ARHGAP18: variants seen among roughly 807,000 people sequenced by gnomAD.
ARHGAP18 encodes rho GTPase-activating protein 18.
A neutral mutation model predicts 86.2 loss-of-function variants in ARHGAP18; 67 were observed. The observed-to-expected ratio is 0.78, with a 90% CI of 0.64 to 0.95. The LOEUF is 0.95. Among genes scored for constraint, ARHGAP18 ranks in the 40% least tolerant of loss-of-function variants. The pLI is 0.00. For synonymous variants in ARHGAP18, 283 were observed against 280.4 expected, an observed-to-expected ratio of 1.01 and a Z score of -0.09; for missense variants, 691 against 780.4, an observed-to-expected ratio of 0.89 and a Z score of 1.37.
intron 7 of ARHGAP18, among the ~76,000 whole-genome samples, chr6:129,613,978 G>C (rs958211168): frequency 2.0e-5 from 3 of 152,114 alleles, no homozygotes; most frequent in Admixed American, 6.5e-5. Flanking sequence ...GGCTGAGTTG[G>C]CTGATTCATT....
intron 13 of ARHGAP18, among the ~76,000 whole-genome samples, chr6:129,582,198 AAAC>A (rs77158221): frequency 0.01 from 1,522 of 152,132 alleles, 13 homozygotes; most frequent in Middle Eastern, 0.02. Context: ...TATTTAATAC[AAAC>A]ACCACAAGCA....
Position 129,710,070 on chromosome 6 carries a change from T to C in ARHGAP18, c.67A>G (p.Thr23Ala), listed in dbSNP as rs3752536. 0.85 allele frequency: 1,376,547 copies of C among 1,613,836 alleles called. 588,077 individuals carry two copies. The highest frequency in any genetic ancestry group is 0.88 in the South Asian group (80,269 of 91,062). The change falls in exon 1 of 15, where the codon ACC becomes GCC. Residue 23 changes from threonine to alanine, a missense_variant. Thr to Ala is a moderately conservative substitution (Grantham distance 58). Coordinates refer to ENST00000368149, the MANE Select transcript of ARHGAP18 (RefSeq NM_033515.3). The part of the protein sequence containing the change: ...TAYHPSGKDQ[T>A]VGNSHAKAGE... ...GCCTTTGCATGGCTGTTCCCGACGG[T>C]CTGGTCCTTGCCGCTGGGGTGGTAG... is the stretch of plus-strand genomic sequence containing the variant.
chr6:129,618,271 A>G (rs1789137929), intron 6 of ARHGAP18, among the ~76,000 whole-genome samples: 1 of 152,228 alleles, frequency 6.6e-6, no homozygotes, highest in Admixed American at 6.5e-5. Context: ...TAACTAGCCC[A>G]TTTATTTGCT....
intron 13 of ARHGAP18, among the ~76,000 whole-genome samples, chr6:129,580,530 G>A (rs889896106): frequency 6.6e-6 from 1 of 152,120 alleles, no homozygotes; most frequent in Non-Finnish European, 1.5e-5. Flanking sequence ...TATTCAATAA[G>A]TATTTATCAT....
chr6:129,608,063 C>T lies in ARHGAP18; in HGVS notation c.1123-11G>A, dbSNP rs372719398. The T allele has an allele frequency of 6.4e-4, 412 of 643,716 alleles. No individual in the cohort carries two copies. Among genetic ancestry groups the T allele is most frequent in the Non-Finnish European group, 7.4e-4 (370 of 501,850 alleles). The allele number at this position is 643,716 out of a possible 1,614,324, so 39.9% of individuals were successfully genotyped here. A position where few individuals can be genotyped will look rare whatever the true frequency, so the allele number is the denominator to read the frequency against. On this transcript the variant is annotated splice_polypyrimidine_tract_variant and intron_variant, in intron 8 of 14. Transcript: ENST00000368149. The stretch of plus-strand genomic sequence containing the variant: ...TTCTTGGCAAAGATTCTGATAGGCA[C>T]GAAAAAAAAAAAAAAAAAAAAAAGA...
At chr6:129,587,346 T>C (rs1788415523) in intron 12 of ARHGAP18, among the ~76,000 whole-genome samples, 1 of 152,196 alleles carries the variant, frequency 6.6e-6, no homozygotes, top group Non-Finnish European at 1.5e-5. Context: ...CTTACTTCTG[T>C]AGAGAGCCAA....
chr6:129,707,731 G>T (rs1168563157), intron 1 of ARHGAP18, among the ~76,000 whole-genome samples: 1 of 149,442 alleles, frequency 6.7e-6, no homozygotes, highest in African/African-American at 2.5e-5. Context: ...TCTAACTCCT[G>T]AGCTCAAGCA....
chr6:129,603,120 A>AT (rs1274948267), intron 10 of ARHGAP18, among the ~76,000 whole-genome samples: 1 of 152,018 alleles, frequency 6.6e-6, no homozygotes, highest in African/African-American at 2.4e-5. Context: ...GCTACCCAAT[A>AT]TGCAGTCTTT....
At chr6:129,703,957 C>A (rs1303465610) in intron 1 of ARHGAP18, among the ~76,000 whole-genome samples, 1 of 149,242 alleles carries the variant, frequency 6.7e-6, no homozygotes, top group Non-Finnish European at 1.5e-5. Context: ...ATTACCATCC[C>A]TTTTTTTCAA....
chr6:129,626,865 C>A (rs1166800315), intron 5 of ARHGAP18, among the ~76,000 whole-genome samples: 1 of 152,090 alleles, frequency 6.6e-6, no homozygotes, highest in Admixed American at 6.6e-5. Context: ...CTGAGAACTA[C>A]AATTCACAGC....
chr6:129,690,068 C>A (rs376704679), intron 1 of ARHGAP18, among the ~76,000 whole-genome samples: 39 of 152,094 alleles, frequency 2.6e-4, no homozygotes, highest in African/African-American at 8.4e-4. Flanking sequence ...GCCAAACAGT[C>A]CGTTTATAAT....
intron 5 of ARHGAP18, among the ~76,000 whole-genome samples, chr6:129,622,375 C>T (rs1789247919): frequency 6.6e-6 from 1 of 151,960 alleles, no homozygotes; most frequent in Non-Finnish European, 1.5e-5. Flanking sequence ...AAATCAGTTG[C>T]TTTGGGTCTA....
At chr6:129,578,859 G>C (rs1788232545) in intron 14 of ARHGAP18, among the ~76,000 whole-genome samples, 1 of 152,112 alleles carries the variant, frequency 6.6e-6, no homozygotes, top group Admixed American at 6.5e-5. Flanking sequence ...AGCTACTCAG[G>C]GGGCTGAGGT....
intron 1 of ARHGAP18, among the ~76,000 whole-genome samples, chr6:129,697,069 T>G (rs1035260848): frequency 1.3e-5 from 2 of 152,200 alleles, no homozygotes; most frequent in African/African-American, 4.8e-5. Context: ...CCTCCTGGAC[T>G]TCTCGAAATC....
At chr6:129,700,431 A>G (rs1774691965) in intron 1 of ARHGAP18, among the ~76,000 whole-genome samples, 1 of 152,244 alleles carries the variant, frequency 6.6e-6, no homozygotes. Context: ...AATACCTTTA[A>G]ACACTTTTTT....
At chr6:129,625,865 TTA>T (rs1789438550) in intron 5 of ARHGAP18, among the ~76,000 whole-genome samples, 1 of 55,990 alleles carries the variant, frequency 1.8e-5, no homozygotes, top group African/African-American at 5.7e-5. Context: ...TATTTATATA[TTA>T]TATATTATAT....
chr6:129,671,368 G>C (rs1290378949), intron 1 of ARHGAP18, among the ~76,000 whole-genome samples: 2 of 152,106 alleles, frequency 1.3e-5, no homozygotes, highest in East Asian at 1.9e-4. Context: ...AAAATTAAAA[G>C]GATAAAGGGA....
Position 129,576,211 on chromosome 6 carries a change from A to G in ARHGAP18, c.*2302T>C, listed in dbSNP as rs556664808. 6.6e-6 allele frequency: 1 copy of G among 152,318 alleles called. No homozygotes were observed. Among genetic ancestry groups the G allele is most frequent in the African/African-American group, 2.4e-5 (1 of 41,572 alleles). The allele number at this position is 152,318 out of a possible 1,614,324, so 9.4% of individuals were successfully genotyped here. Reference sequence around the variant, plus strand: ...AAAACAAATAAAAATCTAGCCTGAGATTTAAAACTCACTAAGGAAAAAAAA... The same window carrying G: ...AAAACAAATAAAAATCTAGCCTGAGGTTTAAAACTCACTAAGGAAAAAAAA... On this transcript the variant is annotated 3_prime_UTR_variant, in exon 15 of 15. Transcript: ENST00000368149.
chr6:129,590,875 T>C (rs960703786), intron 12 of ARHGAP18, among the ~76,000 whole-genome samples: 1 of 152,158 alleles, frequency 6.6e-6, no homozygotes, highest in East Asian at 1.9e-4. Flanking sequence ...ATTCATCCCA[T>C]CCAAATTCTT....
Sources: gnomAD v4.1 joint callset for allele counts (sites outside exome capture counted in the v4.1 genomes callset) on GRCh38, gnomAD v4.1.1 for gene constraint, MANE v1.5 for transcripts, NCBI Gene and HGNC (gene_info 2026-07-23, HGNC 2026-07-21) for gene names.